The following MYO5C variants were observed in gnomAD, a reference collection of about 807,000 sequenced individuals.
MYO5C encodes the protein unconventional myosin-Vc.
In MYO5C, 194 loss-of-function variants were observed where a neutral mutation model predicts 235.7. The ratio of observed to expected loss-of-function variants is 0.82; its 90% confidence interval spans 0.73 to 0.93. MYO5C has a LOEUF of 0.93. Among genes scored for constraint, MYO5C ranks in the 40% least tolerant of loss-of-function variants. MYO5C has a pLI of 0.00. For synonymous variants in MYO5C, 707 were observed against 754.8 expected (o/e 0.94, Z 1.04); for missense variants, 2,038 against 2,127.2 (o/e 0.96, Z 0.82).
intron 19 of MYO5C, chr15:52,242,931 G>A (rs1202649519): frequency 6.6e-6 from 1 of 152,200 alleles, no homozygotes; most frequent in Non-Finnish European, 1.5e-5. Flanking sequence ...AAAGGAGTTT[G>A]TTTGGAATCA....
chr15:52,289,694 A>G (rs760840402), intron 1 of MYO5C, among the ~76,000 whole-genome samples: 147 of 151,782 alleles, frequency 9.7e-4, no homozygotes, highest in Non-Finnish European at 1.9e-3. Flanking sequence ...TTCTTTGGGC[A>G]GACAGACTCT....
Position 52,221,235 on chromosome 15 carries a change from C to G in MYO5C, c.3648G>C (p.Gln1216His). The G allele has an allele frequency of 9.9e-6, 16 of 1,611,646 alleles. No individual in the cohort carries two copies. Among genetic ancestry groups the G allele is most frequent in the Non-Finnish European group, 1.4e-5 (16 of 1,178,556 alleles). ...SENMMIPDFK[Q>H]QISELEKQKQ... ...TCTGTTTCTCCAATTCTGAAATTTG[C>G]TGTTTAAAGTCTGGGATCATCTTTA... is the stretch of plus-strand genomic sequence containing the variant. The change falls in exon 30 of 41, where the codon CAG (glutamine) becomes CAC (histidine). Residue 1216 changes from glutamine to histidine, a missense_variant. Gln to His is a conservative substitution (Grantham distance 24). Coordinates refer to ENST00000261839, the MANE Select transcript of MYO5C (RefSeq NM_018728.4).
intron 36 of MYO5C, among the ~76,000 whole-genome samples, chr15:52,206,310 G>A (rs2035312856): frequency 6.6e-6 from 1 of 152,166 alleles, no homozygotes; most frequent in Non-Finnish European, 1.5e-5. Context: ...GAAGAGGTAA[G>A]TGGATACAAT....
intron 7 of MYO5C, 129 bp from the exon 8 acceptor site, chr15:52,269,989 C>T: frequency 1.5e-6 from 1 of 675,104 alleles, no homozygotes; most frequent in South Asian, 1.9e-5. Context: ...TCCATTTATT[C>T]CTTAGAACTC....
chr15:52,255,482 A>T lies in MYO5C; in HGVS notation c.1395+1157T>A, dbSNP rs117125146. The stretch of plus-strand genomic sequence containing the variant: ...AAGGGAAAATGTGAGTTAGTAAAGC[A>T]TTTTAGCTTTCATGGCTTTTCAGAA... On this transcript the variant is annotated intron_variant, in intron 11 of 40. Coordinates refer to ENST00000261839, the MANE Select transcript of MYO5C (RefSeq NM_018728.4). 9.0e-3 allele frequency among the ~76,000 whole-genome samples: 1,367 copies of T among 152,358 alleles called. 7 individuals carry two copies. Among genetic ancestry groups the T allele is most frequent in the Non-Finnish European group, 0.014 (929 of 68,028 alleles).
chr15:52,240,430 G>A (rs539785562), intron 20 of MYO5C, among the ~76,000 whole-genome samples: 1 of 151,504 alleles, frequency 6.6e-6, no homozygotes, highest in East Asian at 1.9e-4. Flanking sequence ...AATTAGCCAG[G>A]TGTGGTGGCA....
intron 11 of MYO5C, 151 bp from the exon 12 acceptor site, chr15:52,253,608 C>A: frequency 2.7e-6 from 2 of 742,018 alleles, no homozygotes; most frequent in South Asian, 3.6e-5. Context: ...AGGCCCATAC[C>A]GTGATCAATA....
At position 52,256,729 on chromosome 15, in the gene MYO5C, C is replaced by A. The variant is rs1306127949; in HGVS notation, c.1314-9G>T. Reference sequence around the variant, plus strand: ...CATCAAAGGTTTCAAAACTGAAATACAATTTAAACAAGTTAAAATATAACC... The same window carrying A: ...CATCAAAGGTTTCAAAACTGAAATAAAATTTAAACAAGTTAAAATATAACC... On this transcript the variant is annotated splice_polypyrimidine_tract_variant and intron_variant, in intron 10 of 40. Coordinates refer to ENST00000261839, the MANE Select transcript of MYO5C (RefSeq NM_018728.4). 1 of 1,600,282 alleles carries A rather than the reference C, an allele frequency of 6.2e-7. No individual in the cohort carries two copies. The highest frequency in any genetic ancestry group is 8.6e-7 in the Non-Finnish European group (1 of 1,168,558).
intron 29 of MYO5C, among the ~76,000 whole-genome samples, chr15:52,222,371 C>T (rs1462782367): frequency 1.3e-5 from 2 of 152,136 alleles, no homozygotes; most frequent in African/African-American, 4.8e-5. Context: ...TGCTACAGCC[C>T]CGAGATTTCC....
At chr15:52,277,052 G>C in intron 4 of MYO5C, 5 of 466,098 alleles carry the variant, frequency 1.1e-5, no homozygotes, top group South Asian at 7.9e-5. Context: ...GGAGACTTTG[G>C]ATACAGAGCC....
chr15:52,200,650 CAT>C (rs2035166700), intron 38 of MYO5C, among the ~76,000 whole-genome samples: 1 of 152,000 alleles, frequency 6.6e-6, no homozygotes, highest in Non-Finnish European at 1.5e-5. Context: ...TCAAAATTGG[CAT>C]ATGAAGAACC....
chr15:52,219,221 G>T (rs1466152789), intron 31 of MYO5C, among the ~76,000 whole-genome samples: 2 of 152,232 alleles, frequency 1.3e-5, no homozygotes, highest in African/African-American at 4.8e-5. Context: ...GTCTCAACAA[G>T]TTGGCAACAA....
intron 19 of MYO5C, 28 bp from the exon 20 acceptor site, chr15:52,242,241 C>T (rs751060530): frequency 1.3e-6 from 2 of 1,591,744 alleles, no homozygotes; most frequent in East Asian, 4.5e-5. Flanking sequence ...AAGAGTGAGT[C>T]TGTTACCCAC....
intron 32 of MYO5C, among the ~76,000 whole-genome samples, chr15:52,217,660 A>G (rs1428059962): frequency 6.6e-6 from 1 of 152,350 alleles, no homozygotes; most frequent in Admixed American, 6.5e-5. Context: ...ATTAAATGTC[A>G]AACTCCTGGA....
In MYO5C at chr15:52,286,973, A is replaced by T. The variant is rs74977444; in HGVS notation, c.28-4081T>A. Among the ~76,000 whole-genome samples, 480 of 105,786 alleles carry T rather than the reference A, an allele frequency of 4.5e-3. 3 individuals carry two copies. The highest frequency in any genetic ancestry group is 0.017 in the Middle Eastern group (3 of 180). 69.4% of individuals were successfully genotyped at this position (105,786 alleles called of 152,430 possible). On this transcript the variant is annotated intron_variant, in intron 1 of 40. Coordinates refer to ENST00000261839, the MANE Select transcript of MYO5C (RefSeq NM_018728.4). ...AAGAAAAAAGAAAAAAAAAAAAGAA[A>T]AACTAACAAACAAACAAACAAACAA...
intron 24 of MYO5C, 92 bp from the exon 25 acceptor site, chr15:52,229,405 C>A (rs2035901728): frequency 1.6e-6 from 2 of 1,226,848 alleles, no homozygotes; most frequent in Admixed American, 4.4e-5. Flanking sequence ...CAGGCGGATC[C>A]CTTGAGCCCA....
chr15:52,218,216 GTGTGT>G (rs1456664715), intron 32 of MYO5C, among the ~76,000 whole-genome samples: 1 of 152,168 alleles, frequency 6.6e-6, no homozygotes, highest in African/African-American at 2.4e-5. Context: ...GCTATCCTCA[GTGTGT>G]TCCAGAGCAC....
intron 11 of MYO5C, 21 bp downstream of exon 11, chr15:52,256,618 G>A (rs1216149108): frequency 1.4e-6 from 2 of 1,433,888 alleles, no homozygotes; most frequent in East Asian, 2.5e-5. Flanking sequence ...AACTAGTCAA[G>A]AAGGCAGAAA....
chr15:52,245,754 G>A (rs904533074), intron 17 of MYO5C, among the ~76,000 whole-genome samples: 4 of 152,254 alleles, frequency 2.6e-5, no homozygotes, highest in African/African-American at 7.2e-5. Flanking sequence ...GTGATGGGGT[G>A]AGAAGGTGGT....
Sources: allele counts gnomAD v4.1 joint callset (sites outside exome capture counted in the v4.1 genomes callset), GRCh38; gene constraint gnomAD v4.1.1; transcripts MANE v1.5; gene names NCBI Gene and HGNC (gene_info 2026-07-23, HGNC 2026-07-21).